Variants in LYPD5 observed in about 807,000 individuals in gnomAD.
The protein encoded by LYPD5 is ly6/PLAUR domain-containing protein 5.
In LYPD5, 21 loss-of-function variants were observed where a neutral mutation model predicts 19.1. That is an observed-to-expected ratio of 1.10 (90% CI 0.78 to 1.58). The LOEUF (loss-of-function observed/expected upper bound fraction) is 1.58. Ranked by LOEUF, LYPD5 falls within the 40% of genes most tolerant of loss-of-function variation. LYPD5 has a pLI of 0.00. For synonymous variants in LYPD5, 128 were observed against 142.7 expected, an observed-to-expected ratio of 0.90 and a Z score of 0.74; for missense variants, 287 against 329.8, an observed-to-expected ratio of 0.87 and a Z score of 1.00.
upstream of LYPD5, among the ~76,000 whole-genome samples, chr19:43,805,142 C>T (rs114213486): frequency 6.6e-6 from 1 of 152,304 alleles, no homozygotes; most frequent in African/African-American, 2.4e-5. Context: ...AGTTTCCACG[C>T]ATGGTTCCAT....
chr19:43,804,930 A>G (rs1206031941), upstream of LYPD5, among the ~76,000 whole-genome samples: 1 of 152,176 alleles, frequency 6.6e-6, no homozygotes. Flanking sequence ...ATGCATGAGT[A>G]TGTGAGTGCT....
chr19:43,808,310 T>G (rs1001788766), intron 1 of LYPD5, among the ~76,000 whole-genome samples: 3 of 152,192 alleles, frequency 2.0e-5, no homozygotes, highest in African/African-American at 7.2e-5. Context: ...TTCACCATGT[T>G]GGCCAGGCTG....
In LYPD5 at chr19:43,798,589, G is replaced by C. The variant is rs758577568; in HGVS notation, c.383C>G (p.Pro128Arg). The C allele has an allele frequency of 6.2e-7, 1 of 1,610,484 alleles. No individual in the cohort carries two copies. The change falls in exon 4 of 5, where the codon CCG (proline) becomes CGG (arginine). Residue 128 changes from proline to arginine, a missense_variant. By Grantham distance (103) the Pro-to-Arg change is moderately radical. Coordinates refer to ENST00000377950, the MANE Select transcript of LYPD5 (RefSeq NM_001031749.3). ...LPNLSQAPDP[P>R]TLSGAECYAC... Reference sequence around the variant, plus strand: ...GTAGCACTCGGCGCCGCTGAGCGTCGGCGGGTCGGGTGCTGGCAAGAGAGC... The same window carrying C: ...GTAGCACTCGGCGCCGCTGAGCGTCCGCGGGTCGGGTGCTGGCAAGAGAGC...
chr19:43,799,933 C>T lies in LYPD5; in HGVS notation c.65-99G>A, dbSNP rs1970201444. Reference sequence around the variant, plus strand: ...AAATGACAGGCACACGGGCCTGGCCCCTCTGCTCCCAGGGAAGACACGCCT... The same window carrying T: ...AAATGACAGGCACACGGGCCTGGCCTCTCTGCTCCCAGGGAAGACACGCCT... On this transcript the variant is annotated intron_variant, in intron 1 of 4. Coordinates refer to ENST00000377950, the MANE Select transcript of LYPD5 (RefSeq NM_001031749.3). 7 of 1,391,142 alleles carry T rather than the reference C, an allele frequency of 5.0e-6. No homozygotes were observed. In the African/African-American group the frequency reaches 5.8e-5, roughly 12 times the overall value. The allele number at this position is 1,391,142 out of a possible 1,614,324, so 86.2% of individuals were successfully genotyped here.
At chr19:43,799,861 G>T (rs1970199758) in intron 1 of LYPD5, 27 bp from the exon 2 acceptor site, 1 of 1,591,844 alleles carries the variant, frequency 6.3e-7, no homozygotes, top group Non-Finnish European at 8.6e-7. Flanking sequence ...GGCAGAGTCA[G>T]CAGGGCCAGT....
intron 2 of LYPD5, among the ~76,000 whole-genome samples, chr19:43,799,314 G>A (rs1970188296): frequency 6.6e-6 from 1 of 152,086 alleles, no homozygotes; most frequent in South Asian, 2.1e-4. Context: ...CCCGATTTCG[G>A]CTCACTGCAA....
At chr19:43,815,339 T>TA (rs869191310) in intron 1 of LYPD5, among the ~76,000 whole-genome samples, 1,998 of 142,620 alleles carry the variant, frequency 0.014, 43 homozygotes, top group African/African-American at 0.048. Context: ...AACCTATTTC[T>TA]AAAAAAAAAA....
chr19:43,807,014 C>A (rs1027735858), upstream of LYPD5, among the ~76,000 whole-genome samples: 2 of 152,166 alleles, frequency 1.3e-5, no homozygotes, highest in African/African-American at 4.8e-5. Context: ...TAGCATGTGT[C>A]AGAATTTCCT....
chr19:43,799,118 T>TCCTTCCG, intron 2 of LYPD5, 130 bp from the exon 3 acceptor site: 1 of 522,444 alleles, frequency 1.9e-6, no homozygotes, highest in Non-Finnish European at 2.8e-6. Flanking sequence ...CCCTCCTTCC[T>TCCTTCCG]CTCACCCCCA....
chr19:43,800,047 T>G, intron 1 of LYPD5: 1 of 479,968 alleles, frequency 2.1e-6, no homozygotes, highest in African/African-American at 2.0e-5. Flanking sequence ...ACAGTCCAGT[T>G]TTTTCCCTCC....
chr19:43,799,917 G>A, intron 1 of LYPD5, 83 bp from the exon 2 acceptor site: 1 of 1,476,858 alleles, frequency 6.8e-7, no homozygotes, highest in Admixed American at 2.2e-5. Context: ...CAAATGACAG[G>A]CACACGGGCC....
In LYPD5 at chr19:43,797,624, G is replaced by A; in HGVS notation, c.723C>T (p.Leu241=). 6.2e-7 allele frequency: 1 copy of A among 1,611,450 alleles called. No homozygotes were observed. The highest frequency in any genetic ancestry group is 1.1e-5 in the South Asian group (1 of 90,888). ...AGAGCCCCACCAGCAGGAGGACTGG[G>A]AGGAGCAGGGCCAGGACCTGTAGTG... The part of the protein sequence containing the change: ...PRALQVLALL[L]PVLLLVGLSA Residue 241 remains leucine, a synonymous_variant, in exon 5 of 5, where the codon CTC becomes CTT. Coordinates refer to ENST00000377950, the MANE Select transcript of LYPD5 (RefSeq NM_001031749.3).
chr19:43,799,430 A>C (rs1037515986), intron 2 of LYPD5, among the ~76,000 whole-genome samples: 3 of 152,094 alleles, frequency 2.0e-5, no homozygotes. Flanking sequence ...TATTTAGTAG[A>C]GACGGGGTTT....
At chr19:43,809,424 A>C (rs1970300275) in intron 1 of LYPD5, among the ~76,000 whole-genome samples, 1 of 151,802 alleles carries the variant, frequency 6.6e-6, no homozygotes. Context: ...CTTGTCACCC[A>C]GGCTGGAGTG....
Position 43,797,806 on chromosome 19 carries a change from T to C in LYPD5, c.541A>G (p.Ile181Val), listed in dbSNP as rs1265113733. Residue 181 changes from isoleucine (I) to valine (V), a missense_variant, in exon 5 of 5, where the codon ATC (isoleucine) becomes GTC (valine). By Grantham distance (29) the Ile-to-Val change is conservative. Coordinates refer to ENST00000377950, the MANE Select transcript of LYPD5 (RefSeq NM_001031749.3). Reference sequence around the variant, plus strand: ...CAGGAGGGCCGGTGGCAGGTTCTGATGTACACAGGGACTGAGAAATTGCCT... The same window carrying C: ...CAGGAGGGCCGGTGGCAGGTTCTGACGTACACAGGGACTGAGAAATTGCCT... ...TVGNFSVPVY[I>V]RTCHRPSCTT... 6.2e-7 allele frequency: 1 copy of C among 1,613,668 alleles called. No individual in the cohort carries two copies. Among genetic ancestry groups the C allele is most frequent in the Non-Finnish European group, 8.5e-7 (1 of 1,179,798 alleles).
chr19:43,803,977 A>AC (rs1970250397), upstream of LYPD5, among the ~76,000 whole-genome samples: 1 of 152,086 alleles, frequency 6.6e-6, no homozygotes, highest in Non-Finnish European at 1.5e-5. Flanking sequence ...AGCTGGGATT[A>AC]CAGGCATGTG....
chr19:43,809,242 G>A (rs557652937), intron 1 of LYPD5, among the ~76,000 whole-genome samples: 5 of 152,114 alleles, frequency 3.3e-5, no homozygotes, highest in African/African-American at 7.2e-5. Context: ...GTTTCACCAC[G>A]TTGGCAGGCT....
upstream of LYPD5, among the ~76,000 whole-genome samples, chr19:43,804,088 T>G (rs1005562061): frequency 6.6e-6 from 1 of 152,190 alleles, no homozygotes; most frequent in Non-Finnish European, 1.5e-5. Context: ...TCTGCCCGCC[T>G]CGGCCTCCCA....
At chr19:43,814,291 A>G (rs1348359898) in intron 1 of LYPD5, among the ~76,000 whole-genome samples, 1 of 152,190 alleles carries the variant, frequency 6.6e-6, no homozygotes, top group Non-Finnish European at 1.5e-5. Context: ...CAGGAGTTCA[A>G]AATCAATCTG....
Sources: allele counts gnomAD v4.1 joint callset (sites outside exome capture counted in the v4.1 genomes callset), GRCh38; gene constraint gnomAD v4.1.1; transcripts MANE v1.5; gene names NCBI Gene and HGNC (gene_info 2026-07-23, HGNC 2026-07-21).